The following CACNA2D2 variants were observed in gnomAD, a reference collection of about 807,000 sequenced individuals.
CACNA2D2 encodes calcium voltage-gated channel auxiliary subunit alpha2delta 2.
Under a neutral mutation model 166.4 loss-of-function variants are expected in CACNA2D2, and 48 were observed. The ratio of observed to expected loss-of-function variants is 0.29; its 90% CI spans 0.23 to 0.37. CACNA2D2 has a LOEUF of 0.37. Among genes scored for constraint, CACNA2D2 ranks in the 10% least tolerant of loss-of-function variants. The probability of loss-of-function intolerance (pLI) is 1.00; values close to 1 mark genes in which losing one functional copy is unlikely to be tolerated. For missense variants in CACNA2D2, 1,122 were observed against 1,433.0 expected (o/e 0.78, Z 3.50); for synonymous variants, 561 against 573.7 (o/e 0.98, Z 0.32).
chr3:50,402,265 G>T (rs1184953388), intron 3 of CACNA2D2, among the ~76,000 whole-genome samples: 1 of 152,232 alleles, frequency 6.6e-6, no homozygotes, highest in Non-Finnish European at 1.5e-5. Flanking sequence ...AGCATTTGCA[G>T]AAACCAGCTT....
Position 50,380,712 on chromosome 3 carries a change from G to A in CACNA2D2, c.842+36C>T. On this transcript the variant is annotated intron_variant, in intron 8 of 37. Coordinates refer to ENST00000424201, the MANE Select transcript of CACNA2D2 (RefSeq NM_006030.4). This position sits in a 1 kb window ranked among gnomAD's most constrained non-coding sequence, Gnocchi z 4.9. Reference sequence around the variant, plus strand: ...CAGGCAGGAAAGGTGGGGAACTGAGGGGGTGTCCCTCCCCAGCCCCTTCTT... The same window carrying A: ...CAGGCAGGAAAGGTGGGGAACTGAGAGGGTGTCCCTCCCCAGCCCCTTCTT... 1 of 1,462,292 alleles carries A rather than the reference G, an allele frequency of 6.8e-7. No homozygotes were observed. The highest frequency in any genetic ancestry group is 9.1e-7 in the Non-Finnish European group (1 of 1,098,194). 90.6% of individuals were successfully genotyped at this position (1,462,292 alleles called of 1,614,324 possible). A position where few individuals can be genotyped will look rare whatever the true frequency, so the allele number is the denominator to read the frequency against.
chr3:50,495,183 G>A (rs1402828733), intron 1 of CACNA2D2, among the ~76,000 whole-genome samples: 1 of 152,176 alleles, frequency 6.6e-6, no homozygotes, highest in African/African-American at 2.4e-5. Flanking sequence ...GTGGTATCAG[G>A]ACCTCAGGGA....
chr3:50,363,575 C>T lies in CACNA2D2; in HGVS notation c.*1091G>A. 1 of 300,790 alleles carries T rather than the reference C, an allele frequency of 3.3e-6. No individual in the cohort carries two copies. 18.6% of individuals were successfully genotyped at this position (300,790 alleles called of 1,614,324 possible). ...GAAGGAGATAGGGAGTGGGCACAGG[C>T]CTGAGTGTGTAAGGGCCAGATTGGC... On this transcript the variant is annotated 3_prime_UTR_variant, in exon 38 of 38. Coordinates refer to ENST00000424201, the MANE Select transcript of CACNA2D2 (RefSeq NM_006030.4).
At chr3:50,467,917 A>G (rs1709888168) in intron 2 of CACNA2D2, among the ~76,000 whole-genome samples, 1 of 152,234 alleles carries the variant, frequency 6.6e-6, no homozygotes, top group Non-Finnish European at 1.5e-5. Context: ...CTGAGCCTCC[A>G]TCTCCTGTCT....
intron 22 of CACNA2D2, among the ~76,000 whole-genome samples, chr3:50,372,846 G>A (rs1049426064): frequency 6.6e-6 from 1 of 152,094 alleles, no homozygotes; most frequent in Admixed American, 6.5e-5. Flanking sequence ...GAACACGCCG[G>A]AGAACACCCT....
intron 3 of CACNA2D2, among the ~76,000 whole-genome samples, chr3:50,418,081 G>A (rs1282736125): frequency 6.6e-6 from 1 of 152,136 alleles, no homozygotes; most frequent in Non-Finnish European, 1.5e-5. Flanking sequence ...AGGCAGGACT[G>A]TACTTGTGCT....
chr3:50,379,004 T>C lies in CACNA2D2; in HGVS notation c.1261-11A>G. On this transcript the variant is annotated splice_polypyrimidine_tract_variant and intron_variant, in intron 12 of 37. Transcript: ENST00000424201. The surrounding 1 kb of genome is among the most constrained non-coding windows in gnomAD (Gnocchi z 6.5). ...AGTAAACACGCGCACCTGTGGGGGG[T>C]TTGAGGTTACTGCTGTGGCCACCAG... 2.5e-6 allele frequency: 4 copies of C among 1,612,970 alleles called. No individual in the cohort carries two copies. Among genetic ancestry groups the C allele is most frequent in the Non-Finnish European group, 3.4e-6 (4 of 1,179,756 alleles).
chr3:50,395,885 G>A (rs1017418569), intron 3 of CACNA2D2, among the ~76,000 whole-genome samples: 2 of 152,124 alleles, frequency 1.3e-5, no homozygotes, highest in African/African-American at 4.8e-5. Flanking sequence ...GGGGTCCCGG[G>A]AGCAGGGGGA....
intron 2 of CACNA2D2, among the ~76,000 whole-genome samples, chr3:50,472,853 T>C (rs1710155344): frequency 6.6e-6 from 1 of 152,148 alleles, no homozygotes; most frequent in Non-Finnish European, 1.5e-5. Context: ...AGCCCAAGCA[T>C]ATGCACTCTA....
Position 50,376,312 on chromosome 3 carries a change from G to T in CACNA2D2, c.1627-124C>A. ...ATTCTGTTTGCCTGCCTTGGGCTAA[G>T]GGCCCCCCCATGCCACGTGGCCCTA... On this transcript the variant is annotated intron_variant, in intron 17 of 37. Coordinates refer to ENST00000424201, the MANE Select transcript of CACNA2D2 (RefSeq NM_006030.4). The surrounding 1 kb of genome is among the most constrained non-coding windows in gnomAD (Gnocchi z 4.3). The T allele has an allele frequency of 9.4e-7, 1 of 1,059,496 alleles. No individual in the cohort carries two copies. The highest frequency in any genetic ancestry group is 1.6e-5 in the African/African-American group (1 of 63,208). The allele number at this position is 1,059,496 out of a possible 1,614,324, so 65.6% of individuals were successfully genotyped here. A position where few individuals can be genotyped will look rare whatever the true frequency, so the allele number is the denominator to read the frequency against.
chr3:50,445,540 T>C (rs1708803480), intron 2 of CACNA2D2, among the ~76,000 whole-genome samples: 1 of 152,258 alleles, frequency 6.6e-6, no homozygotes, highest in Admixed American at 6.5e-5. Flanking sequence ...TTGAATTTTA[T>C]GTATCCTTGT....
At chr3:50,387,650 G>A (rs373157857) in intron 4 of CACNA2D2, 38 bp from the exon 5 acceptor site, 1 of 1,562,690 alleles carries the variant, frequency 6.4e-7, no homozygotes, top group Non-Finnish European at 8.8e-7. Flanking sequence ...TAGCTGCTCA[G>A]GGTCCCGAGA....
chr3:50,418,296 G>A (rs1707365334), intron 3 of CACNA2D2, among the ~76,000 whole-genome samples: 1 of 152,168 alleles, frequency 6.6e-6, no homozygotes, highest in Non-Finnish European at 1.5e-5. Context: ...CTTCCAGAGT[G>A]TCCAATGCCA....
chr3:50,371,239 G>C (rs1179455115), intron 22 of CACNA2D2, among the ~76,000 whole-genome samples: 6 of 152,164 alleles, frequency 3.9e-5, no homozygotes, highest in Non-Finnish European at 5.9e-5. Context: ...GGCAGCCATG[G>C]GGGATGCTAG....
Position 50,400,523 on chromosome 3 carries a change from C to G in CACNA2D2, c.406-6355G>C, listed in dbSNP as rs545174256. Among the ~76,000 whole-genome samples, 3 of 152,366 alleles carry G rather than the reference C, an allele frequency of 2.0e-5. 1 individual carries two copies. The South Asian group carries it at 6.2e-4, about 32-fold the overall frequency. Reference sequence around the variant, plus strand: ...AGAGCTTTATGGACACAGTCTCACTCACTACAACCTTCTGAGGGCATGTCT... The same window carrying G: ...AGAGCTTTATGGACACAGTCTCACTGACTACAACCTTCTGAGGGCATGTCT... On this transcript the variant is annotated intron_variant, in intron 3 of 37. Transcript: ENST00000424201.
intron 2 of CACNA2D2, among the ~76,000 whole-genome samples, chr3:50,464,822 G>A (rs1244419211): frequency 2.0e-5 from 3 of 152,192 alleles, no homozygotes; most frequent in African/African-American, 4.8e-5. Flanking sequence ...GTGGCTCCTC[G>A]AAGGGAAAAT....
At position 50,365,870 on chromosome 3, in the gene CACNA2D2, GGA is replaced by G. The variant is rs747114675; in HGVS notation, c.2863-10_2863-9del. On this transcript the variant is annotated splice_polypyrimidine_tract_variant and intron_variant, in intron 32 of 37. Coordinates refer to ENST00000424201, the MANE Select transcript of CACNA2D2 (RefSeq NM_006030.4). This position sits in a 1 kb window ranked among gnomAD's most constrained non-coding sequence, Gnocchi z 4.5. ...GAAATCTGCAACGGTGGGCTGCAGT[GGA>G]GAGAGGGGCGTGGACTGCCACTGCT... The G allele has an allele frequency of 2.5e-6, 4 of 1,612,938 alleles. No individual in the cohort carries two copies. Among genetic ancestry groups the G allele is most frequent in the African/African-American group, 2.7e-5 (2 of 74,916 alleles).
chr3:50,457,199 G>A lies in CACNA2D2; in HGVS notation c.288+18919C>T, dbSNP rs2282761. Among the ~76,000 whole-genome samples the A allele has an allele frequency of 2.6e-3, 392 of 152,142 alleles. 7 individuals are homozygous for A. In the East Asian group the frequency reaches 0.049, roughly 19 times the overall value. On this transcript the variant is annotated intron_variant, in intron 2 of 37. Coordinates refer to ENST00000424201, the MANE Select transcript of CACNA2D2 (RefSeq NM_006030.4). ...CGGGAGGCGGAGGTTGCAGTGAGCC[G>A]AAATTGCACCACTGCACTCCAGCCT...
At chr3:50,372,955 G>A in intron 22 of CACNA2D2, 1 of 790,760 alleles carries the variant, frequency 1.3e-6, no homozygotes, top group Non-Finnish European at 2.1e-6. Context: ...CTGGGAGGGG[G>A]CCCTGGAGAG....
Sources: gnomAD v4.1 joint callset for allele counts (sites outside exome capture counted in the v4.1 genomes callset) on GRCh38, gnomAD v4.1.1 for gene constraint, Gnocchi (gnomAD v3.1) non-coding constraint, MANE v1.5 for transcripts, NCBI Gene and HGNC (gene_info 2026-07-23, HGNC 2026-07-21) for gene names.